The following VTI1B variants were observed in gnomAD, a reference collection of about 807,000 sequenced individuals.
The protein encoded by VTI1B is vesicle transport through interaction with t-SNAREs homolog 1B.
In VTI1B, 18 loss-of-function variants were observed where a neutral mutation model predicts 28.6. The observed-to-expected ratio is 0.63, with a 90% CI of 0.43 to 0.93. The LOEUF is 0.93. Among genes scored for constraint, VTI1B ranks in the 40% least tolerant of loss-of-function variants. The probability of loss-of-function intolerance (pLI) is 0.00; values close to 1 mark genes in which losing one functional copy is unlikely to be tolerated. For synonymous variants in VTI1B, 100 were observed against 107.9 expected (o/e 0.93, Z 0.46); for missense variants, 283 against 297.0 (o/e 0.95, Z 0.35).
Position 67,674,571 on chromosome 14 carries a change from C to A in VTI1B, c.-82G>T. ...TAGCCCGGCGGTCAGCCGCCCAGCC[C>A]AGTGGCCATAACGGCGACCGCCGCA... On this transcript the variant is annotated 5_prime_UTR_variant, in exon 1 of 6. Coordinates refer to ENST00000554659, the MANE Select transcript of VTI1B (RefSeq NM_006370.3). The A allele has an allele frequency of 7.9e-7, 1 of 1,260,504 alleles. No individual in the cohort carries two copies. Among genetic ancestry groups the A allele is most frequent in the East Asian group, 2.9e-5 (1 of 34,974 alleles). 78.1% of individuals were successfully genotyped at this position (1,260,504 alleles called of 1,614,324 possible).
At chr14:67,656,104 G>C (rs1349363879) in intron 4 of VTI1B, among the ~76,000 whole-genome samples, 2 of 152,078 alleles carry the variant, frequency 1.3e-5, no homozygotes, top group African/African-American at 4.8e-5. Flanking sequence ...ACATTAGCTA[G>C]GCATGGTGGC....
chr14:67,649,552 G>A lies in VTI1B; in HGVS notation c.*1833C>T, dbSNP rs1017086119. ...AGTGCAAACTTTGATGACCACTTCT[G>A]GGATATGCTAAAGGTGCAGGTTTAG... is the stretch of plus-strand genomic sequence containing the variant. On this transcript the variant is annotated 3_prime_UTR_variant, in exon 6 of 6. Coordinates refer to ENST00000554659, the MANE Select transcript of VTI1B (RefSeq NM_006370.3). 1 of 152,102 alleles carries A rather than the reference G, an allele frequency of 6.6e-6. No individual in the cohort carries two copies. The highest frequency in any genetic ancestry group is 1.9e-4 in the East Asian group (1 of 5,194). 9.4% of individuals were successfully genotyped at this position (152,102 alleles called of 1,614,324 possible).
At chr14:67,661,938 T>C (rs933644576) in intron 2 of VTI1B, among the ~76,000 whole-genome samples, 7 of 151,794 alleles carry the variant, frequency 4.6e-5, no homozygotes. Context: ...GGGCAGATCA[T>C]GAGGTCAGGA....
Position 67,674,546 on chromosome 14 carries a change from T to C in VTI1B, c.-57A>G. The C allele has an allele frequency of 6.8e-7, 1 of 1,465,018 alleles. No homozygotes were observed. The highest frequency in any genetic ancestry group is 9.1e-7 in the Non-Finnish European group (1 of 1,100,706). 90.8% of individuals were successfully genotyped at this position (1,465,018 alleles called of 1,614,324 possible). On this transcript the variant is annotated 5_prime_UTR_variant, in exon 1 of 6. Transcript: ENST00000554659. ...AGATTCGGGGCCCTGGGCCCTTTCC[T>C]AGCCCGGCGGTCAGCCGCCCAGCCC...
chr14:67,647,832 T>A lies in VTI1B; in HGVS notation c.*3553A>T. 3.6e-6 allele frequency: 2 copies of A among 563,104 alleles called. No individual in the cohort carries two copies. 34.9% of individuals were successfully genotyped at this position (563,104 alleles called of 1,614,324 possible). On this transcript the variant is annotated 3_prime_UTR_variant, in exon 6 of 6. Transcript: ENST00000554659. ...GTCTGTCTGAGGTATGCAGAACAAATGGCAGTATCATGAAGTGGTATGTAG... is the reference window on the plus strand; with the variant it reads ...GTCTGTCTGAGGTATGCAGAACAAAAGGCAGTATCATGAAGTGGTATGTAG...
rs374768167 is a variant in VTI1B at position 67,657,314 on chromosome 14, G to A, written c.367-725C>T. 46 of 152,288 alleles carry A rather than the reference G, an allele frequency of 3.0e-4. 1 individual carries two copies. Among genetic ancestry groups the A allele is most frequent in the African/African-American group, 1.1e-3 (45 of 41,552 alleles). The allele number at this position is 152,288 out of a possible 1,614,324, so 9.4% of individuals were successfully genotyped here. On this transcript the variant is annotated intron_variant, in intron 3 of 5. Coordinates refer to ENST00000554659, the MANE Select transcript of VTI1B (RefSeq NM_006370.3). ...GTGGTTACCCTCTTGGTGAGCCCCA[G>A]AAAGAACTTCACCTAAGGTCAAACA...
At chr14:67,663,332 T>C in intron 1 of VTI1B, 1 of 622,968 alleles carries the variant, frequency 1.6e-6, no homozygotes, top group Non-Finnish European at 2.7e-6. Flanking sequence ...TAAATAACAT[T>C]GTTTTAAATA....
In VTI1B at chr14:67,648,684, A is replaced by G. The variant is rs1566807278; in HGVS notation, c.*2701T>C. 1 of 152,380 alleles carries G rather than the reference A, an allele frequency of 6.6e-6. No individual in the cohort carries two copies. Among genetic ancestry groups the G allele is most frequent in the African/African-American group, 2.4e-5 (1 of 41,468 alleles). 9.4% of individuals were successfully genotyped at this position (152,380 alleles called of 1,614,324 possible). On this transcript the variant is annotated 3_prime_UTR_variant, in exon 6 of 6. Coordinates refer to ENST00000554659, the MANE Select transcript of VTI1B (RefSeq NM_006370.3). ...AAAGGATTTCTAATAAGGGGGATAC[A>G]GTTAGATGAGAATGGCTGATGGAAA...
chr14:67,661,972 C>T lies in VTI1B; in HGVS notation c.174+505G>A, dbSNP rs376850776. 4.1e-4 allele frequency among the ~76,000 whole-genome samples: 63 copies of T among 151,862 alleles called. 1 individual carries two copies. The highest frequency in any genetic ancestry group is 3.4e-3 in the Middle Eastern group (1 of 294). On this transcript the variant is annotated intron_variant, in intron 2 of 5. Transcript: ENST00000554659. ...GAGATCGAGACCATCCTGGCTAACACGGTGAAACCCCATCTCTACTGAAAA... is the reference window on the plus strand; with the variant it reads ...GAGATCGAGACCATCCTGGCTAACATGGTGAAACCCCATCTCTACTGAAAA...
chr14:67,652,890 T>C (rs2037204457), intron 5 of VTI1B, among the ~76,000 whole-genome samples: 2 of 151,930 alleles, frequency 1.3e-5, no homozygotes, highest in Admixed American at 6.6e-5. Flanking sequence ...ACCCCCCAGG[T>C]TCAAGCAATT....
At position 67,648,915 on chromosome 14, in the gene VTI1B, T is replaced by C. The variant is rs1052701171; in HGVS notation, c.*2470A>G. ...CTAGGGTATAGATAGAGACCCCAGATTGAAAGGTTCAGGGCTATAGAGAAC... is the reference window on the plus strand; with the variant it reads ...CTAGGGTATAGATAGAGACCCCAGACTGAAAGGTTCAGGGCTATAGAGAAC... On this transcript the variant is annotated 3_prime_UTR_variant, in exon 6 of 6. Transcript: ENST00000554659. 1.3e-5 allele frequency: 2 copies of C among 152,178 alleles called. No individual in the cohort carries two copies. The highest frequency in any genetic ancestry group is 4.8e-5 in the African/African-American group (2 of 41,434). 9.4% of individuals were successfully genotyped at this position (152,178 alleles called of 1,614,324 possible).
intron 1 of VTI1B, among the ~76,000 whole-genome samples, 170 bp from the exon 2 acceptor site, chr14:67,662,705 A>C (rs1056855257): frequency 1.3e-5 from 2 of 152,082 alleles, no homozygotes; most frequent in Non-Finnish European, 2.9e-5. Flanking sequence ...GGAGTTCAAG[A>C]CCACCCTGGC....
At chr14:67,654,865 T>C (rs2037233579) in intron 4 of VTI1B, among the ~76,000 whole-genome samples, 1 of 151,600 alleles carries the variant, frequency 6.6e-6, no homozygotes, top group Admixed American at 6.6e-5. Flanking sequence ...CCGTCTCTAC[T>C]AAAAATACGA....
At position 67,656,428 on chromosome 14, in the gene VTI1B, A is replaced by C; in HGVS notation, c.528T>G (p.Arg176=). 1 of 1,610,556 alleles carries C rather than the reference A, an allele frequency of 6.2e-7. No individual in the cohort carries two copies. The highest frequency in any genetic ancestry group is 8.5e-7 in the Non-Finnish European group (1 of 1,178,080). The change falls in exon 4 of 6, where the codon CGT becomes CGG. Residue 176 remains arginine (R), a synonymous_variant. Coordinates refer to ENST00000554659, the MANE Select transcript of VTI1B (RefSeq NM_006370.3). ...ELGEQRDQLE[R]TKSRLVNTSE... is the part of the protein sequence containing the mutation. ...TGCCCAGACTTACTCTACTCTTGGT[A>C]CGTTCTAACTGGTCTCGTTGTTCCC...
chr14:67,651,597 C>CAT, intron 5 of VTI1B, 116 bp from the exon 6 acceptor site: 1 of 1,140,554 alleles, frequency 8.8e-7, no homozygotes, highest in Non-Finnish European at 1.2e-6. Context: ...TGTTTGATCA[C>CAT]ACAGCCACTT....
In VTI1B at chr14:67,650,784, C is replaced by T. The variant is rs1224044318; in HGVS notation, c.*601G>A. ...GCCACCTCAGAGGAAGAGGCGAAGACTACAGCTAACCTGGCAGTAGATGTG... is the reference window on the plus strand; with the variant it reads ...GCCACCTCAGAGGAAGAGGCGAAGATTACAGCTAACCTGGCAGTAGATGTG... On this transcript the variant is annotated 3_prime_UTR_variant, in exon 6 of 6. Coordinates refer to ENST00000554659, the MANE Select transcript of VTI1B (RefSeq NM_006370.3). The T allele has an allele frequency of 6.2e-7, 1 of 1,614,058 alleles. No homozygotes were observed. Among genetic ancestry groups the T allele is most frequent in the Non-Finnish European group, 8.5e-7 (1 of 1,180,038 alleles).
chr14:67,653,759 C>T (rs1251778272), intron 4 of VTI1B, among the ~76,000 whole-genome samples: 2 of 152,150 alleles, frequency 1.3e-5, no homozygotes, highest in Non-Finnish European at 2.9e-5. Context: ...AATCTTCTAC[C>T]GTGGCTACTC....
rs2037352401 is a variant in VTI1B at position 67,662,665 on chromosome 14, G to T, written c.116-130C>A. ...TCATGCCTGTAATCCCAGCACTTTGGGAGGCCAAGGCAGGTGGATCACAAG... is the reference window on the plus strand; with the variant it reads ...TCATGCCTGTAATCCCAGCACTTTGTGAGGCCAAGGCAGGTGGATCACAAG... On this transcript the variant is annotated intron_variant, in intron 1 of 5. Transcript: ENST00000554659. The T allele has an allele frequency of 3.6e-6, 3 of 824,444 alleles. No individual in the cohort carries two copies. In the South Asian group the frequency reaches 5.6e-5, roughly 15 times the overall value. The allele number at this position is 824,444 out of a possible 1,614,324, so 51.1% of individuals were successfully genotyped here. A position where few individuals can be genotyped will look rare whatever the true frequency, so the allele number is the denominator to read the frequency against.
chr14:67,671,317 G>A (rs1343316765), intron 1 of VTI1B, among the ~76,000 whole-genome samples: 1 of 152,082 alleles, frequency 6.6e-6, no homozygotes, highest in East Asian at 1.9e-4. Context: ...CTTGAGGTCA[G>A]GAGTTTGAGA....
Sources: allele counts gnomAD v4.1 joint callset (sites outside exome capture counted in the v4.1 genomes callset), GRCh38; gene constraint gnomAD v4.1.1; transcripts MANE v1.5; gene names NCBI Gene and HGNC (gene_info 2026-07-23, HGNC 2026-07-21).